TTC34: variants seen among roughly 807,000 people sequenced by gnomAD.
The protein encoded by TTC34 is tetratricopeptide repeat domain 34.
TTC34 carries 44 observed loss-of-function variants against 40.7 expected under a neutral mutation model. That is an observed-to-expected ratio of 1.08 (90% CI 0.85 to 1.39). The LOEUF is 1.39. TTC34 is among the 40% of genes most tolerant of loss of function. TTC34 has a pLI of 0.00. For missense variants in TTC34, 884 were observed against 838.0 expected (o/e 1.05, Z -0.68); for synonymous variants, 422 against 398.6 (o/e 1.06, Z -0.70).
At chr1:2,767,898 G>C (rs1480418110) in intron 6 of TTC34, among the ~76,000 whole-genome samples, 1 of 143,630 alleles carries the variant, frequency 7.0e-6, no homozygotes, top group Admixed American at 6.9e-5. Context: ...CACCAGATGA[G>C]CATCTGACAA....
chr1:2,654,102 A>T (rs929715574), intron 6 of TTC34, among the ~76,000 whole-genome samples: 12 of 148,364 alleles, frequency 8.1e-5, no homozygotes, highest in Admixed American at 2.7e-4. Context: ...CAAGGTGAGC[A>T]TCTGACAACC....
exon 9 of TTC34, chr1:2,637,094 G>A (rs1557574540): frequency 6.6e-6 from 1 of 152,314 alleles, no homozygotes; most frequent in Non-Finnish European, 1.5e-5. Flanking sequence ...CTCCTAGTGT[G>A]GCTGGGTCCG....
At chr1:2,783,489 T>G (rs1643519929) in intron 6 of TTC34, 120 bp downstream of exon 6, 3 of 1,044,964 alleles carry the variant, frequency 2.9e-6, no homozygotes, top group Non-Finnish European at 3.8e-6. Context: ...TGGGTTTTGA[T>G]GGGCATCTCA....
chr1:2,789,438 C>A (rs1489295524), intron 3 of TTC34, 65 bp downstream of exon 3: 6 of 1,417,682 alleles, frequency 4.2e-6, no homozygotes, highest in Non-Finnish European at 4.7e-6. Context: ...GGAAACACAT[C>A]CGTCGCTACC....
chr1:2,645,551 C>T lies in TTC34; in HGVS notation c.2239G>A (p.Asp747Asn), dbSNP rs914191836. 6.9e-6 allele frequency: 8 copies of T among 1,151,810 alleles called. No homozygotes were observed. The highest frequency in any genetic ancestry group is 6.5e-6 in the Non-Finnish European group (6 of 922,222). The allele number at this position is 1,151,810 out of a possible 1,614,324, so 71.3% of individuals were successfully genotyped here. A position where few individuals can be genotyped will look rare whatever the true frequency, so the allele number is the denominator to read the frequency against. ...CCGAGCTTCAGAGCAGAGACGATGTCGTCCACGGCTTCCTGCAAGGAGGGA... is the reference window on the plus strand; with the variant it reads ...CCGAGCTTCAGAGCAGAGACGATGTTGTCCACGGCTTCCTGCAAGGAGGGA... Residue 747 changes from aspartate to asparagine, a missense_variant, in exon 7 of 9, where the codon GAC (aspartate) becomes AAC (asparagine). Asp to Asn is a conservative substitution (Grantham distance 23). Transcript: ENST00000401095. This position sits in a 1 kb window ranked among gnomAD's most constrained non-coding sequence, Gnocchi z 4.7.
At chr1:2,695,726 GCAGC>G (rs1640831847) in intron 6 of TTC34, among the ~76,000 whole-genome samples, 20 of 149,362 alleles carry the variant, frequency 1.3e-4, no homozygotes, top group East Asian at 2.0e-4. Flanking sequence ...CCCCAGGTGA[GCAGC>G]TGAAATCCTG....
At chr1:2,800,840 G>A (rs898278461) in exon 2 of TTC34, 6 of 398,504 alleles carry the variant, frequency 1.5e-5, no homozygotes, top group East Asian at 3.6e-5. Flanking sequence ...CTGGGACCCC[G>A]ACGGGCCCAT....
At chr1:2,748,861 C>A (rs1339833535) in intron 6 of TTC34, among the ~76,000 whole-genome samples, 1 of 3,284 alleles carries the variant, frequency 3.0e-4, no homozygotes, top group African/African-American at 2.1e-3. Context: ...GCATCTGATG[C>A]TTTGGAGCAG....
chr1:2,675,006 G>C (rs201788179), intron 6 of TTC34, among the ~76,000 whole-genome samples: 1 of 136,466 alleles, frequency 7.3e-6, no homozygotes, highest in African/African-American at 2.7e-5. Context: ...CACACACCCA[G>C]GTGAGCATCT....
At position 2,687,078 on chromosome 1, in the gene TTC34, C is replaced by G. The variant is rs552601394; in HGVS notation, c.2227-41515G>C. On this transcript the variant is annotated intron_variant, in intron 6 of 8. Coordinates refer to ENST00000401095, the Ensembl canonical transcript of TTC34. ...TGCATCCGACAGCCTGGAGCAGGAC[C>G]CACACCCCCAGGTGAACATCCGACA... Among the ~76,000 whole-genome samples the G allele has an allele frequency of 2.3e-3, 330 of 145,552 alleles. 1 individual carries two copies. Among genetic ancestry groups the G allele is most frequent in the Admixed American group, 3.1e-3 (46 of 14,868 alleles).
intron 6 of TTC34, among the ~76,000 whole-genome samples, chr1:2,779,908 T>C (rs2100615835): frequency 6.6e-6 from 1 of 152,320 alleles, no homozygotes; most frequent in East Asian, 1.9e-4. Flanking sequence ...TTTAAGTCCT[T>C]TGCTCATTTT....
intron 6 of TTC34, among the ~76,000 whole-genome samples, chr1:2,656,165 G>C (rs1639336821): frequency 1.4e-5 from 2 of 147,366 alleles, no homozygotes; most frequent in African/African-American, 5.0e-5. Flanking sequence ...GACTGGAACA[G>C]CACCCACATG....
chr1:2,685,770 C>A (rs1274534650), intron 6 of TTC34, among the ~76,000 whole-genome samples: 3 of 148,820 alleles, frequency 2.0e-5, no homozygotes, highest in African/African-American at 7.5e-5. Flanking sequence ...CACAGGTGAG[C>A]ATCTGACAGC....
At chr1:2,641,780 C>T (rs949382587) in exon 9 of TTC34, 15 of 1,535,076 alleles carry the variant, frequency 9.8e-6, no homozygotes, top group East Asian at 4.9e-5. Flanking sequence ...GCAGGTGGCC[C>T]GCAGACGCAG....
intron 6 of TTC34, among the ~76,000 whole-genome samples, chr1:2,749,744 A>G (rs1641256327): frequency 7.3e-5 from 6 of 82,224 alleles, no homozygotes; most frequent in South Asian, 6.0e-4. Context: ...AGCATCTGAC[A>G]GACTGGAACA....
intron 6 of TTC34, among the ~76,000 whole-genome samples, chr1:2,768,166 C>T (rs1310844673): frequency 6.6e-6 from 1 of 151,310 alleles, no homozygotes; most frequent in African/African-American, 2.4e-5. Flanking sequence ...ACACTCGAAC[C>T]TTCAGGTGAG....
At chr1:2,692,494 G>T (rs563675718) in intron 6 of TTC34, among the ~76,000 whole-genome samples, 1 of 125,126 alleles carries the variant, frequency 8.0e-6, no homozygotes, top group African/African-American at 3.2e-5. Context: ...GCCTGGAACA[G>T]CAGCCTGCAC....
chr1:2,653,641 C>A (rs1639231031), intron 6 of TTC34, among the ~76,000 whole-genome samples: 1 of 149,082 alleles, frequency 6.7e-6, no homozygotes, highest in Admixed American at 6.7e-5. Flanking sequence ...CCTGGAGCAG[C>A]ATCCACACCC....
intron 6 of TTC34, among the ~76,000 whole-genome samples, chr1:2,647,001 C>T (rs1424654052): frequency 6.6e-6 from 1 of 152,140 alleles, no homozygotes; most frequent in Non-Finnish European, 1.5e-5. Context: ...TTCTGGGTTC[C>T]ATTGTTTCTG....
Sources: gnomAD v4.1 joint callset for allele counts (sites outside exome capture counted in the v4.1 genomes callset) on GRCh38, gnomAD v4.1.1 for gene constraint, Gnocchi (gnomAD v3.1) non-coding constraint, MANE v1.5 for transcripts, NCBI Gene and HGNC (gene_info 2026-07-23, HGNC 2026-07-21) for gene names.